The following IL22RA1 variants were observed in gnomAD, a reference collection of about 807,000 sequenced individuals.
IL22RA1 encodes interleukin 22 receptor subunit alpha 1.
IL22RA1 carries 25 observed loss-of-function variants against 32.8 expected under a neutral mutation model. The ratio of observed to expected loss-of-function variants is 0.76; its 90% CI spans 0.55 to 1.06. The LOEUF is 1.06. Ranked by LOEUF, IL22RA1 falls within the 50% of genes least tolerant of loss-of-function variation. IL22RA1 has a pLI of 0.00. For synonymous variants in IL22RA1, 305 were observed against 305.0 expected, an observed-to-expected ratio of 1.00 and a Z score of 0.00; for missense variants, 709 against 727.4, an observed-to-expected ratio of 0.97 and a Z score of 0.29.
intron 3 of IL22RA1, among the ~76,000 whole-genome samples, chr1:24,136,026 C>T (rs1340549059): frequency 1.3e-5 from 2 of 152,170 alleles, no homozygotes; most frequent in Admixed American, 6.5e-5. Flanking sequence ...GCAATCCCAG[C>T]TCACTGCAGT....
At chr1:24,126,475 G>C (rs1644162230) in intron 5 of IL22RA1, among the ~76,000 whole-genome samples, 1 of 152,192 alleles carries the variant, frequency 6.6e-6, no homozygotes, top group Admixed American at 6.5e-5. Flanking sequence ...TCAGATGAGG[G>C]ATCAGGCTCC....
At position 24,121,656 on chromosome 1, in the gene IL22RA1, G is replaced by A; in HGVS notation, c.874C>T (p.Pro292Ser). The stretch of plus-strand genomic sequence containing the variant: ...TGGACAGGCTGGGCCAGACTGCTGG[G>A]GCCGCTGAGGTCAAAGACAGGGATC... ...VLIPVFDLSGPSSLAQPVQYS... is the reference protein window; with the variant it reads ...VLIPVFDLSGSSSLAQPVQYS... The change falls in exon 7 of 7, where the codon CCC becomes TCC. Residue 292 changes from proline (P) to serine (S), a missense_variant. Pro to Ser is a moderately conservative substitution (Grantham distance 74). Transcript: ENST00000270800. 6.2e-7 allele frequency: 1 copy of A among 1,609,416 alleles called. No individual in the cohort carries two copies. The highest frequency in any genetic ancestry group is 1.3e-5 in the African/African-American group (1 of 74,874).
At chr1:24,137,840 A>G (rs1184669086) in intron 2 of IL22RA1, among the ~76,000 whole-genome samples, 1 of 152,176 alleles carries the variant, frequency 6.6e-6, no homozygotes, top group Admixed American at 6.5e-5. Context: ...TTTCAAACAA[A>G]GAAGATGAGG....
In IL22RA1 at chr1:24,137,166, G is replaced by C; in HGVS notation, c.320C>G (p.Thr107Ser). The change falls in exon 3 of 7, where the codon ACC (threonine) becomes AGC (serine). Residue 107 changes from threonine (T) to serine (S), a missense_variant. Physicochemically the swap from Thr to Ser is moderately conservative, Grantham distance 58 (BLOSUM62 1). Transcript: ENST00000270800. ...TAVSAGGRSA[T>S]KMTDRFSSLQ... Reference sequence around the variant, plus strand: ...AGAGCTGAACCTGTCAGTCATCTTGGTGGCTGACCGGCCTCCCGCACTGAC... The same window carrying C: ...AGAGCTGAACCTGTCAGTCATCTTGCTGGCTGACCGGCCTCCCGCACTGAC... The C allele has an allele frequency of 6.2e-7, 1 of 1,613,950 alleles. No homozygotes were observed. The highest frequency in any genetic ancestry group is 8.5e-7 in the Non-Finnish European group (1 of 1,179,952).
Position 24,136,634 on chromosome 1 carries a change from G to A in IL22RA1, c.355+497C>T, listed in dbSNP as rs80061008. On this transcript the variant is annotated intron_variant, in intron 3 of 6. Transcript: ENST00000270800. ...GGGACTGTCAGAAGCTTGGCTGCTC[G>A]ATGCATTGGGAAGACATGTTCAAGA... Among the ~76,000 whole-genome samples the A allele has an allele frequency of 5.9e-5, 9 of 152,324 alleles. No homozygotes were observed. In the East Asian group the frequency reaches 1.5e-3, roughly 26 times the overall value.
At position 24,137,321 on chromosome 1, in the gene IL22RA1, G is replaced by C. The variant is rs751637875; in HGVS notation, c.177-12C>G. ...CCCTCTCTCCGTACCTGCAGGTCAG[G>C]AAGGGGCCAAGTCACCGTGGTGATG... On this transcript the variant is annotated splice_polypyrimidine_tract_variant and intron_variant, in intron 2 of 6. Transcript: ENST00000270800. The C allele has an allele frequency of 1.9e-6, 3 of 1,611,264 alleles. No homozygotes were observed. The highest frequency in any genetic ancestry group is 2.5e-6 in the Non-Finnish European group (3 of 1,177,800).
At chr1:24,141,821 G>T (rs988465168) in intron 1 of IL22RA1, among the ~76,000 whole-genome samples, 9 of 152,158 alleles carry the variant, frequency 5.9e-5, no homozygotes, top group Non-Finnish European at 1.0e-4. Context: ...TTTATAAAAG[G>T]CAACTTGTTT....
At chr1:24,142,996 C>T (rs1380250749) in intron 1 of IL22RA1, 44 bp downstream of exon 1, 2 of 1,588,980 alleles carry the variant, frequency 1.3e-6, no homozygotes, top group Non-Finnish European at 8.6e-7. Flanking sequence ...ATCGTTGGCC[C>T]CTGGGATAAG....
chr1:24,124,276 C>T (rs1644146848), intron 5 of IL22RA1, among the ~76,000 whole-genome samples: 1 of 152,128 alleles, frequency 6.6e-6, no homozygotes, highest in African/African-American at 2.4e-5. Context: ...GGCCTGTCCT[C>T]TCCACCTCCC....
Position 24,119,834 on chromosome 1 carries a change from G to A in IL22RA1, c.*971C>T, listed in dbSNP as rs1338877260. The A allele has an allele frequency of 1.3e-5, 2 of 152,248 alleles. No individual in the cohort carries two copies. Among genetic ancestry groups the A allele is most frequent in the African/African-American group, 4.8e-5 (2 of 41,456 alleles). 9.4% of individuals were successfully genotyped at this position (152,248 alleles called of 1,614,324 possible). A position where few individuals can be genotyped will look rare whatever the true frequency, so the allele number is the denominator to read the frequency against. ...GCACTATTAAGCACTTTAAAGACAT[G>A]ACTTCATTTCATCTTCACCACAACT... On this transcript the variant is annotated 3_prime_UTR_variant, in exon 7 of 7. Coordinates refer to ENST00000270800, the MANE Select transcript of IL22RA1 (RefSeq NM_021258.4).
intron 3 of IL22RA1, among the ~76,000 whole-genome samples, chr1:24,136,548 C>T (rs546934840): frequency 1.4e-4 from 22 of 152,184 alleles, no homozygotes; most frequent in African/African-American, 4.6e-4. Context: ...ATAAAAGAAC[C>T]AGTCATGTGA....
chr1:24,134,161 G>A (rs780835571), intron 4 of IL22RA1, 50 bp downstream of exon 4: 44 of 1,505,810 alleles, frequency 2.9e-5, no homozygotes, highest in Non-Finnish European at 3.8e-5. Flanking sequence ...CTAATTGGGA[G>A]GGAAGAGGCT....
At position 24,120,716 on chromosome 1, in the gene IL22RA1, T is replaced by C; in HGVS notation, c.*89A>G. On this transcript the variant is annotated 3_prime_UTR_variant, in exon 7 of 7. Transcript: ENST00000270800. Reference sequence around the variant, plus strand: ...ACCCGTCTGAGGCCAGATCGCAGAGTGTGTGGCGTGGGCAGGCATGGGATT... The same window carrying C: ...ACCCGTCTGAGGCCAGATCGCAGAGCGTGTGGCGTGGGCAGGCATGGGATT... 4.0e-6 allele frequency: 5 copies of C among 1,248,982 alleles called. No individual in the cohort carries two copies. The highest frequency in any genetic ancestry group is 1.5e-5 in the African/African-American group (1 of 66,632). 77.4% of individuals were successfully genotyped at this position (1,248,982 alleles called of 1,614,324 possible).
rs145677629 is a variant in IL22RA1, at chr1:24,123,323, C to T, written c.771G>A (p.Pro257=). 5 of 1,614,024 alleles carry T rather than the reference C, an allele frequency of 3.1e-6. No homozygotes were observed. The highest frequency in any genetic ancestry group is 2.2e-5 in the East Asian group (1 of 44,888). ...CYLSYRYVTK[P]PAPPNSLNVQ... is the part of the protein sequence containing the mutation. Reference sequence around the variant, plus strand: ...TCACCAGGGAGTTGGGAGGTGCAGGCGGCTTGGTGACATATCTGTAGCTCA... The same window carrying T: ...TCACCAGGGAGTTGGGAGGTGCAGGTGGCTTGGTGACATATCTGTAGCTCA... The change falls in exon 6 of 7, where the codon CCG becomes CCA. Residue 257 remains proline, a synonymous_variant. Coordinates refer to ENST00000270800, the MANE Select transcript of IL22RA1 (RefSeq NM_021258.4).
chr1:24,130,101 G>T (rs571878489), intron 4 of IL22RA1, among the ~76,000 whole-genome samples: 1 of 152,276 alleles, frequency 6.6e-6, no homozygotes. Context: ...TAAGCAAAAT[G>T]AAAACCAACT....
At chr1:24,126,272 C>G (rs975329194) in intron 5 of IL22RA1, among the ~76,000 whole-genome samples, 2 of 152,242 alleles carry the variant, frequency 1.3e-5, no homozygotes, top group African/African-American at 4.8e-5. Context: ...TTGGCTGTTC[C>G]GTGAGGCATA....
rs1644292265 is a variant in IL22RA1 at position 24,143,045 on chromosome 1, A to T, written c.38T>A (p.Leu13Gln). Reference protein sequence around the residue: ...TLLTILTVGSLAAHAPEDPSD... With the variant: ...TLLTILTVGSQAAHAPEDPSD... ...CAGGGTAGATGGGCACTCACCAGCCAGGGATCCCACAGTCAAGATGGTCAG... is the reference window on the plus strand; with the variant it reads ...CAGGGTAGATGGGCACTCACCAGCCTGGGATCCCACAGTCAAGATGGTCAG... Residue 13 changes from leucine to glutamine, a missense_variant, in exon 1 of 7, where the codon CTG becomes CAG. Transcript: ENST00000270800. The T allele has an allele frequency of 6.2e-7, 1 of 1,611,714 alleles. No individual in the cohort carries two copies. The highest frequency in any genetic ancestry group is 1.7e-5 in the Admixed American group (1 of 59,938).
In IL22RA1 at chr1:24,123,336, T is replaced by TA; in HGVS notation, c.757dup (p.Tyr253LeufsTer36). 1 of 1,614,130 alleles carries TA rather than the reference T, an allele frequency of 6.2e-7. No individual in the cohort carries two copies. The highest frequency in any genetic ancestry group is 8.5e-7 in the Non-Finnish European group (1 of 1,180,020). On this transcript the variant is annotated frameshift_variant, in exon 6 of 7. Coordinates refer to ENST00000270800, the MANE Select transcript of IL22RA1 (RefSeq NM_021258.4). LOFTEE classifies it low-confidence loss of function (END_TRUNC). ...GGGAGGTGCAGGCGGCTTGGTGACA[T>TA]ATCTGTAGCTCAGGTAGCAGAGTAC...
chr1:24,123,428 GA>G lies in IL22RA1; in HGVS notation c.671-6del. 6.2e-7 allele frequency: 1 copy of G among 1,612,628 alleles called. No homozygotes were observed. The highest frequency in any genetic ancestry group is 8.5e-7 in the Non-Finnish European group (1 of 1,179,436). On this transcript the variant is annotated splice_polypyrimidine_tract_variant and splice_region_variant and intron_variant, in intron 5 of 6. Transcript: ENST00000270800. The stretch of plus-strand genomic sequence containing the variant: ...AGGAGTAGGTCCATGTCCGGTCTGG[GA>G]AACCAAAGGGGCCAGAGAAGGAAGC...
Sources: gnomAD v4.1 joint callset for allele counts (sites outside exome capture counted in the v4.1 genomes callset) on GRCh38, gnomAD v4.1.1 for gene constraint, MANE v1.5 for transcripts, NCBI Gene and HGNC (gene_info 2026-07-23, HGNC 2026-07-21) for gene names.